Variants in IMPDH2 observed in about 807,000 individuals in gnomAD.
IMPDH2 encodes the protein inosine-5'-monophosphate dehydrogenase 2.
IMPDH2 carries 33 observed loss-of-function variants against 57.8 expected under a neutral mutation model. The ratio of observed to expected loss-of-function variants is 0.57; its 90% confidence interval spans 0.43 to 0.76. The LOEUF (loss-of-function observed/expected upper bound fraction) is 0.76. Among genes scored for constraint, IMPDH2 ranks in the 30% least tolerant of loss-of-function variants. The probability of loss-of-function intolerance (pLI) is 0.00; values close to 1 mark genes in which losing one functional copy is unlikely to be tolerated. For missense variants in IMPDH2, 446 were observed against 659.1 expected, an observed-to-expected ratio of 0.68 and a Z score of 3.54; for synonymous variants, 270 against 241.3, an observed-to-expected ratio of 1.12 and a Z score of -1.10.
In IMPDH2 at chr3:49,025,056, G is replaced by A; in HGVS notation, c.1151-16C>T. The A allele has an allele frequency of 6.2e-7, 1 of 1,614,264 alleles. No homozygotes were observed. The highest frequency in any genetic ancestry group is 8.5e-7 in the Non-Finnish European group (1 of 1,180,046). On this transcript the variant is annotated splice_polypyrimidine_tract_variant and intron_variant, in intron 10 of 13. Coordinates refer to ENST00000326739, the MANE Select transcript of IMPDH2 (RefSeq NM_000884.3). ...CCCATCATGACTGCGGACAGATGGA[G>A]TGCTTGGGTTAGAGCCTAAGCAGCA... is the stretch of plus-strand genomic sequence containing the variant.
At chr3:49,025,874 C>CTG in intron 9 of IMPDH2, 1 of 431,242 alleles carries the variant, frequency 2.3e-6, no homozygotes, top group East Asian at 7.0e-5. Flanking sequence ...AAACCATGGT[C>CTG]TGTGTATCAG....
chr3:49,027,077 CCA>C (rs769347297), intron 5 of IMPDH2, 30 bp from the exon 6 acceptor site: 69 of 1,505,388 alleles, frequency 4.6e-5, no homozygotes, highest in Non-Finnish European at 6.2e-5. Context: ...TGAAGAAGGG[CCA>C]GTCATCGACT....
rs2093193895 is a variant in IMPDH2 at position 49,025,410 on chromosome 3, A to G, written c.1007-141T>C. 9 of 855,892 alleles carry G rather than the reference A, an allele frequency of 1.1e-5. No homozygotes were observed. In the South Asian group the frequency reaches 1.3e-4, roughly 13 times the overall value. The allele number at this position is 855,892 out of a possible 1,614,324, so 53.0% of individuals were successfully genotyped here. A position where few individuals can be genotyped will look rare whatever the true frequency, so the allele number is the denominator to read the frequency against. The stretch of plus-strand genomic sequence containing the variant: ...TGGCTGAGGAACAGACGTGTCTGGG[A>G]TGGCTGCTGCCACATCTGCCTTAAA... On this transcript the variant is annotated intron_variant, in intron 9 of 13. Transcript: ENST00000326739.
At chr3:49,028,128 A>T in intron 4 of IMPDH2, 120 bp downstream of exon 4, 1 of 927,292 alleles carries the variant, frequency 1.1e-6, no homozygotes, top group South Asian at 1.4e-5. Context: ...GGGTCTTCTC[A>T]GTAACTGAAC....
chr3:49,026,000 C>T (rs946190582), intron 9 of IMPDH2: 1 of 486,606 alleles, frequency 2.1e-6, no homozygotes, highest in African/African-American at 1.9e-5. Flanking sequence ...CTTACTATAG[C>T]AACCCGTGAC....
chr3:49,029,264 G>A lies in IMPDH2; in HGVS notation c.87C>T (p.Gly29=). 1 of 1,604,192 alleles carries A rather than the reference G, an allele frequency of 6.2e-7. No homozygotes were observed. Among genetic ancestry groups the A allele is most frequent in the Non-Finnish European group, 8.5e-7 (1 of 1,175,492 alleles). ...CCATAGGCCCGCACTTGTAGGTGAG[G>A]CCGTCTCCGCAGTTGAAGAGCTGCT... ...TAQQLFNCGD[G]LTYNDFLILP... Residue 29 remains glycine, a synonymous_variant, in exon 1 of 14, where the codon GGC becomes GGT. Coordinates refer to ENST00000326739, the MANE Select transcript of IMPDH2 (RefSeq NM_000884.3).
chr3:49,025,636 TG>T (rs2093195217), intron 9 of IMPDH2, among the ~76,000 whole-genome samples: 2 of 152,066 alleles, frequency 1.3e-5, no homozygotes, highest in Non-Finnish European at 1.5e-5. Flanking sequence ...CCCTGAATGG[TG>T]GGCAGCTCAG....
intron 1 of IMPDH2, 38 bp from the exon 2 acceptor site, chr3:49,028,844 A>G: frequency 6.5e-7 from 1 of 1,539,926 alleles, no homozygotes; most frequent in Non-Finnish European, 9.0e-7. Context: ...TAAAGCTCTC[A>G]GCTTAGGGCA....
chr3:49,024,453 A>G, intron 13 of IMPDH2, 42 bp downstream of exon 13: 7 of 1,614,192 alleles, frequency 4.3e-6, no homozygotes, highest in Non-Finnish European at 5.9e-6. Flanking sequence ...GAAAGGAGGC[A>G]TGAGGTATGG....
intron 11 of IMPDH2, 30 bp from the exon 12 acceptor site, chr3:49,024,832 G>A: frequency 6.2e-7 from 1 of 1,614,138 alleles, no homozygotes; most frequent in Non-Finnish European, 8.5e-7. Flanking sequence ...CACGGGCAAG[G>A]TCACAGCAGA....
At chr3:49,025,364 A>G (rs2093193685) in intron 9 of IMPDH2, 95 bp from the exon 10 acceptor site, 1 of 1,368,144 alleles carries the variant, frequency 7.3e-7, no homozygotes, top group Non-Finnish European at 1.0e-6. Flanking sequence ...TTTTGGCTAC[A>G]TCTGCATCAG....
At position 49,026,769 on chromosome 3, in the gene IMPDH2, C is replaced by A. The variant is rs2093201521; in HGVS notation, c.737G>T (p.Cys246Phe). ...ASKDAKKQLL[C>F]GAAIGTHEDD... The stretch of plus-strand genomic sequence containing the variant: ...CTCATGAGTGCCAATGGCTGCCCCA[C>A]ACAGCAGCTGTTTCTTGGCATCTTT... The change falls in exon 7 of 14, where the codon TGT becomes TTT. Residue 246 changes from cysteine to phenylalanine, a missense_variant. Physicochemically the swap from Cys to Phe is radical, Grantham distance 205 (BLOSUM62 -2). Transcript: ENST00000326739. 1.2e-6 allele frequency: 2 copies of A among 1,614,130 alleles called. No individual in the cohort carries two copies. The highest frequency in any genetic ancestry group is 1.3e-5 in the African/African-American group (1 of 74,948).
chr3:49,027,601 A>G, intron 5 of IMPDH2, 109 bp downstream of exon 5: 1 of 952,392 alleles, frequency 1.0e-6, no homozygotes, highest in Non-Finnish European at 1.7e-6. Flanking sequence ...TTGGTTTGAC[A>G]CTCCTTTCCC....
chr3:49,028,643 A>C (rs1166916725), intron 2 of IMPDH2, 111 bp from the exon 3 acceptor site: 10 of 1,310,372 alleles, frequency 7.6e-6, no homozygotes, highest in Non-Finnish European at 1.1e-5. Context: ...AACAAGCAAC[A>C]TGATCCTATA....
chr3:49,027,772 T>A lies in IMPDH2; in HGVS notation c.469A>T (p.Ile157Phe), dbSNP rs770969216. ...AAATCAATGTCCCTGGAGGAGATGA[T>A]GCCCACCAAGCGGCTCCCCATCCGG... is the stretch of plus-strand genomic sequence containing the variant. ...TGRMGSRLVG[I>F]ISSRDIDFLK... Residue 157 changes from isoleucine to phenylalanine, a missense_variant, in exon 5 of 14, where the codon ATC becomes TTC. Coordinates refer to ENST00000326739, the MANE Select transcript of IMPDH2 (RefSeq NM_000884.3). The A allele has an allele frequency of 6.2e-7, 1 of 1,614,246 alleles. No individual in the cohort carries two copies. The highest frequency in any genetic ancestry group is 1.1e-5 in the South Asian group (1 of 91,088).
chr3:49,029,068 G>A (rs1375131336), intron 1 of IMPDH2, 185 bp downstream of exon 1: 6 of 659,516 alleles, frequency 9.1e-6, no homozygotes, highest in Non-Finnish European at 1.6e-5. Flanking sequence ...AAGCACTACT[G>A]AGATGCTTCT....
chr3:49,027,504 C>T (rs2093204513), intron 5 of IMPDH2, among the ~76,000 whole-genome samples: 1 of 152,166 alleles, frequency 6.6e-6, no homozygotes, highest in Admixed American at 6.5e-5. Context: ...TTTAAAAGAA[C>T]AAAGCATGAA....
At position 49,027,040 on chromosome 3, in the gene IMPDH2, G is replaced by C. The variant is rs375196719; in HGVS notation, c.539C>G (p.Thr180Arg). The part of the protein sequence containing the change: ...EHDCFLEEIM[T>R]KREDLVVAPA... ...GGCTACCACCAAGTCTTCCCTCTTT[G>C]TCATTATCTACGTGGGAGGTGAGAT... Residue 180 changes from threonine to arginine, a missense_variant, in exon 6 of 14, where the codon ACA becomes AGA. Thr to Arg is a moderately conservative substitution (Grantham distance 71). Transcript: ENST00000326739. The C allele has an allele frequency of 1.9e-6, 3 of 1,612,188 alleles. No individual in the cohort carries two copies. Among genetic ancestry groups the C allele is most frequent in the Non-Finnish European group, 1.7e-6 (2 of 1,178,368 alleles).
chr3:49,027,328 C>CA (rs1279475325), intron 5 of IMPDH2, among the ~76,000 whole-genome samples: 2 of 152,146 alleles, frequency 1.3e-5, no homozygotes, highest in Non-Finnish European at 2.9e-5. Context: ...CACCCTTCCT[C>CA]AAGGGATCCC....
Sources: allele counts gnomAD v4.1 joint callset (sites outside exome capture counted in the v4.1 genomes callset), GRCh38; gene constraint gnomAD v4.1.1; transcripts MANE v1.5; gene names NCBI Gene and HGNC (gene_info 2026-07-23, HGNC 2026-07-21).